PCNX2: variants seen among roughly 807,000 people sequenced by gnomAD.
PCNX2 encodes pecanex-like protein 2.
PCNX2 carries 168 observed loss-of-function variants against 223.8 expected under a neutral mutation model. That is an observed-to-expected ratio of 0.75 (90% confidence interval 0.66 to 0.85). The LOEUF (loss-of-function observed/expected upper bound fraction) is 0.85, where lower values mean the gene tolerates loss of function less well. PCNX2 is among the 40% of genes least tolerant of loss of function. The pLI, the probability that PCNX2 is intolerant of heterozygous loss-of-function variation, is 0.00. For missense variants in PCNX2, 2,507 were observed against 2,675.5 expected (o/e 0.94, Z 1.39); for synonymous variants, 1,006 against 1,052.6 (o/e 0.96, Z 0.86).
chr1:233,051,447 G>A (rs1672002715), intron 25 of PCNX2, among the ~76,000 whole-genome samples: 2 of 152,042 alleles, frequency 1.3e-5, no homozygotes, highest in South Asian at 4.1e-4. Context: ...ATCAACCTAG[G>A]TGCCCATCAA....
chr1:233,146,673 T>C (rs1182604251), intron 19 of PCNX2, among the ~76,000 whole-genome samples: 1 of 152,190 alleles, frequency 6.6e-6, no homozygotes, highest in African/African-American at 2.4e-5. Context: ...AAAAAAAATG[T>C]AAATGAAGAG....
At chr1:233,004,196 T>C (rs1158641762) in intron 28 of PCNX2, among the ~76,000 whole-genome samples, 1 of 152,254 alleles carries the variant, frequency 6.6e-6, no homozygotes, top group East Asian at 1.9e-4. Flanking sequence ...CACTCGATTA[T>C]ATAAAAATTA....
At chr1:233,122,305 C>A (rs1407106035) in intron 21 of PCNX2, among the ~76,000 whole-genome samples, 2 of 152,102 alleles carry the variant, frequency 1.3e-5, no homozygotes, top group African/African-American at 4.8e-5. Context: ...ATCTCCCATG[C>A]AGAAGAATTC....
intron 23 of PCNX2, among the ~76,000 whole-genome samples, chr1:233,077,231 G>A (rs929021049): frequency 6.6e-6 from 1 of 152,112 alleles, no homozygotes; most frequent in Non-Finnish European, 1.5e-5. Context: ...TTTTGGTGGG[G>A]GGAAGGAATA....
chr1:233,044,793 C>T (rs1179227548), intron 25 of PCNX2, among the ~76,000 whole-genome samples: 4 of 151,920 alleles, frequency 2.6e-5, no homozygotes, highest in African/African-American at 4.8e-5. Context: ...CTCAACCTCC[C>T]GAGTAGCTGT....
intron 4 of PCNX2, 39 bp downstream of exon 4, chr1:233,261,246 G>C: frequency 6.5e-7 from 1 of 1,537,238 alleles, no homozygotes. Context: ...CTTCACTGAG[G>C]ATAGTGCTGT....
rs181745360 is a variant in PCNX2 at position 233,086,846 on chromosome 1, T to G, written c.4076+3215A>C. 2.8e-4 allele frequency: 50 copies of G among 180,836 alleles called. 1 individual carries two copies. Among genetic ancestry groups the G allele is most frequent in the Non-Finnish European group, 1.1e-5 (1 of 94,228 alleles). The allele number at this position is 180,836 out of a possible 1,614,324, so 11.2% of individuals were successfully genotyped here. ...TCCTATTGGACAGTGCTGGTCTACA[T>G]GGCATTTCTCCGTTTTCCTCAGGCA... On this transcript the variant is annotated intron_variant, in intron 23 of 33. Transcript: ENST00000258229.
chr1:233,317,432 A>T, the PCNX2 span, among the ~76,000 whole-genome samples: 1 of 151,866 alleles, frequency 6.6e-6, no homozygotes, highest in Admixed American at 6.6e-5. Context: ...ACAAACAAAC[A>T]AACAAACCAA....
At position 233,126,258 on chromosome 1, in the gene PCNX2, T is replaced by C. The variant is rs1201937270; in HGVS notation, c.3837+8755A>G. ...TCATTAGGCCAGTTTCATTTGGGTT[T>C]CTGTGGTTTGTGACCCAAGAAGTCC... On this transcript the variant is annotated intron_variant, in intron 21 of 33. Coordinates refer to ENST00000258229, the MANE Select transcript of PCNX2 (RefSeq NM_014801.4). The surrounding 1 kb of genome is among the most constrained non-coding windows in gnomAD (Gnocchi z 4.8). 1 of 152,102 alleles carries C rather than the reference T, an allele frequency of 6.6e-6. No individual in the cohort carries two copies. Among genetic ancestry groups the C allele is most frequent in the East Asian group, 1.9e-4 (1 of 5,194 alleles). 9.4% of individuals were successfully genotyped at this position (152,102 alleles called of 1,614,324 possible).
chr1:233,220,781 C>A (rs1657330271), intron 10 of PCNX2, among the ~76,000 whole-genome samples: 1 of 152,086 alleles, frequency 6.6e-6, no homozygotes, highest in Admixed American at 6.5e-5. Flanking sequence ...ACACCTGATG[C>A]TTCAATAGCT....
intron 26 of PCNX2, among the ~76,000 whole-genome samples, chr1:233,022,595 A>G (rs1032477315): frequency 4.8e-5 from 6 of 125,652 alleles, no homozygotes; most frequent in African/African-American, 2.7e-4. Flanking sequence ...TACACAAAAC[A>G]GTGAGAGATG....
At position 233,135,165 on chromosome 1, in the gene PCNX2, C is replaced by T; in HGVS notation, c.3685G>A (p.Ala1229Thr). The change falls in exon 21 of 34, where the codon GCT becomes ACT. Residue 1229 changes from alanine (A) to threonine (T), a missense_variant. By Grantham distance (58) the Ala-to-Thr change is moderately conservative (BLOSUM62 0). Around this residue, in one of 3 missense-constraint regions of PCNX2, gnomAD observed 1,372 missense variants for 1,509.4 expected, o/e 0.91. Transcript: ENST00000258229. ...THWDIFLMII[A>T]GMKLLRTSFC... Reference sequence around the variant, plus strand: ...GATGTCCGCAACAGCTTCATGCCAGCAATGATCATCAGAAAAATGTCCCAG... The same window carrying T: ...GATGTCCGCAACAGCTTCATGCCAGTAATGATCATCAGAAAAATGTCCCAG... 1 of 1,613,560 alleles carries T rather than the reference C, an allele frequency of 6.2e-7. No individual in the cohort carries two copies. The highest frequency in any genetic ancestry group is 8.5e-7 in the Non-Finnish European group (1 of 1,179,776).
At chr1:233,121,165 T>A (rs554875400) in intron 21 of PCNX2, among the ~76,000 whole-genome samples, 116 of 152,112 alleles carry the variant, frequency 7.6e-4, no homozygotes, top group Non-Finnish European at 3.4e-4. Context: ...AGAAATCTGA[T>A]GAAAGAAACC....
intron 13 of PCNX2, among the ~76,000 whole-genome samples, chr1:233,207,018 AAAGAAG>A (rs58751327): frequency 0.075 from 11,358 of 150,452 alleles, 763 homozygotes; most frequent in East Asian, 0.33. Flanking sequence ...CAAAAAAAAA[AAAGAAG>A]AAGAAGAAGA....
intron 8 of PCNX2, among the ~76,000 whole-genome samples, chr1:233,242,073 CA>C (rs1658803827): frequency 6.6e-6 from 1 of 152,056 alleles, no homozygotes; most frequent in African/African-American, 2.4e-5. Flanking sequence ...ATAATGTCAA[CA>C]AAAGAGTAAG....
In PCNX2 at chr1:232,999,642, C is replaced by T. The variant is rs189994350; in HGVS notation, c.5329-263G>A. 7.9e-4 allele frequency: 299 copies of T among 377,004 alleles called. 1 individual carries two copies. Among genetic ancestry groups the T allele is most frequent in the African/African-American group, 5.5e-3 (263 of 47,592 alleles). The allele number at this position is 377,004 out of a possible 1,614,324, so 23.4% of individuals were successfully genotyped here. On this transcript the variant is annotated intron_variant, in intron 30 of 33. Transcript: ENST00000258229. ...CTAATTTTGTATTTTTTAGTAGAGA[C>T]GGGGTTTCTCCGTGTTGGTCAGGCT...
intron 9 of PCNX2, 48 bp downstream of exon 9, chr1:233,236,797 C>A: frequency 6.3e-7 from 1 of 1,594,062 alleles, no homozygotes; most frequent in Non-Finnish European, 8.6e-7. Context: ...GTTTTAAGAT[C>A]CCCTGTTTCC....
chr1:233,014,495 G>A (rs138199460), intron 28 of PCNX2, among the ~76,000 whole-genome samples, 170 bp downstream of exon 28: 27 of 152,052 alleles, frequency 1.8e-4, no homozygotes, highest in East Asian at 9.6e-4. Flanking sequence ...AAAGAGCAGT[G>A]ATCAAAAAAA....
intron 25 of PCNX2, among the ~76,000 whole-genome samples, chr1:233,027,621 C>T (rs779973452): frequency 2.0e-5 from 3 of 152,050 alleles, no homozygotes; most frequent in Admixed American, 6.6e-5. Flanking sequence ...TTTTCTAGTA[C>T]GAGGTGAAAA....
Sources: gnomAD v4.1 joint callset for allele counts (sites outside exome capture counted in the v4.1 genomes callset) on GRCh38, gnomAD v4.1.1 for gene constraint, gnomAD v4.1.1 regional missense constraint, Gnocchi (gnomAD v3.1) non-coding constraint, MANE v1.5 for transcripts, NCBI Gene and HGNC (gene_info 2026-07-23, HGNC 2026-07-21) for gene names.